The following PCSK2 variants were observed in gnomAD, a reference collection of about 807,000 sequenced individuals.
PCSK2 encodes neuroendocrine convertase 2.
PCSK2 carries 14 observed loss-of-function variants against 69.7 expected under a neutral mutation model. The ratio of observed to expected loss-of-function variants is 0.20; its 90% confidence interval spans 0.13 to 0.31. The LOEUF (loss-of-function observed/expected upper bound fraction) is 0.31, where lower values mean the gene tolerates loss of function less well. PCSK2 is among the 10% of genes least tolerant of loss of function. The probability of loss-of-function intolerance (pLI) is 1.00; values close to 1 mark genes in which losing one functional copy is unlikely to be tolerated. For synonymous variants in PCSK2, 307 were observed against 320.7 expected, an observed-to-expected ratio of 0.96 and a Z score of 0.46; for missense variants, 544 against 842.5, an observed-to-expected ratio of 0.65 and a Z score of 4.39.
chr20:17,389,289 T>A (rs1434204844), intron 5 of PCSK2, among the ~76,000 whole-genome samples: 4 of 152,152 alleles, frequency 2.6e-5, no homozygotes, highest in African/African-American at 7.2e-5. Flanking sequence ...TGGACCTGGA[T>A]GTGCTTGTAG....
At chr20:17,268,865 G>C (rs776644245) in intron 2 of PCSK2, among the ~76,000 whole-genome samples, 9 of 152,190 alleles carry the variant, frequency 5.9e-5, no homozygotes, top group Non-Finnish European at 1.2e-4. Flanking sequence ...AGTGGTGGAG[G>C]CAGTGAGAAA....
chr20:17,245,015 A>G (rs1240411521), intron 1 of PCSK2, among the ~76,000 whole-genome samples: 1 of 152,198 alleles, frequency 6.6e-6, no homozygotes, highest in African/African-American at 2.4e-5. Flanking sequence ...GATTCTTCCC[A>G]GGCAGAGCAG....
At chr20:17,432,686 T>C (rs1217794159) in intron 7 of PCSK2, among the ~76,000 whole-genome samples, 1 of 152,200 alleles carries the variant, frequency 6.6e-6, no homozygotes, top group African/African-American at 2.4e-5. Context: ...CCACAAACAA[T>C]GACCTTCCAA....
Position 17,453,749 on chromosome 20 carries a change from G to T in PCSK2, c.893G>T (p.Gly298Val). 1 of 1,613,214 alleles carries T rather than the reference G, an allele frequency of 6.2e-7. No individual in the cohort carries two copies. Residue 298 changes from glycine to valine, a missense_variant, in exon 9 of 12, where the codon GGC becomes GTC. Gly to Val is a moderately radical substitution (Grantham distance 109). This residue lies in a region of PCSK2 where 187 missense variants were observed against 399.8 expected (regional missense o/e 0.47). Transcript: ENST00000262545. The surrounding 1 kb of genome is among the most constrained non-coding windows in gnomAD (Gnocchi z 4.0). The stretch of plus-strand genomic sequence containing the variant: ...CTCCCCTGCTCTCCCCAGGGCCGCG[G>T]CGGCAAAGGCAGCATCTACGTGTGG... The part of the protein sequence containing the change: ...AMADGVNKGR[G>V]GKGSIYVWAS...
Position 17,478,516 on chromosome 20 carries a change from C to T in PCSK2, c.1431-3068C>T, listed in dbSNP as rs145630233. ...CCAAAAACTTTAAATTAAAAAAAAT[C>T]GATTTACTAATCCTCAGAAAAAGTA... On this transcript the variant is annotated intron_variant, in intron 11 of 11. Coordinates refer to ENST00000262545, the MANE Select transcript of PCSK2 (RefSeq NM_002594.5). 5.8e-3 allele frequency among the ~76,000 whole-genome samples: 884 copies of T among 152,160 alleles called. 16 individuals carry two copies. Among genetic ancestry groups the T allele is most frequent in the African/African-American group, 0.02 (844 of 41,504 alleles).
intron 8 of PCSK2, among the ~76,000 whole-genome samples, chr20:17,445,022 G>T (rs1162286042): frequency 1.3e-5 from 2 of 152,136 alleles, no homozygotes; most frequent in East Asian, 3.8e-4. Flanking sequence ...AAAGCCCAAG[G>T]GATATGGGCT....
chr20:17,482,342 G>GTCA lies in PCSK2; in HGVS notation c.*272_*273insTCA, dbSNP rs2033423039. Reference sequence around the variant, plus strand: ...CTGTCATTCAAATGGGTGATATCCTGAAAAAAAAAAAAAAAAAAAAACTGG... The same window carrying GTCA: ...CTGTCATTCAAATGGGTGATATCCTGTCAAAAAAAAAAAAAAAAAAAAAACTGG... On this transcript the variant is annotated 3_prime_UTR_variant, in exon 12 of 12. Transcript: ENST00000262545. 1 of 106,538 alleles carries GTCA rather than the reference G, an allele frequency of 9.4e-6. No homozygotes were observed. The highest frequency in any genetic ancestry group is 1.1e-4 in the Admixed American group (1 of 8,726). 6.6% of individuals were successfully genotyped at this position (106,538 alleles called of 1,614,324 possible). A position where few individuals can be genotyped will look rare whatever the true frequency, so the allele number is the denominator to read the frequency against.
At chr20:17,344,823 C>G (rs1040487749) in intron 2 of PCSK2, among the ~76,000 whole-genome samples, 9 of 152,146 alleles carry the variant, frequency 5.9e-5, no homozygotes, top group Admixed American at 5.2e-4. Context: ...CTTAGTCCTC[C>G]TTTCTGTGAT....
chr20:17,429,848 C>G (rs1158392882), intron 7 of PCSK2, among the ~76,000 whole-genome samples: 1 of 152,006 alleles, frequency 6.6e-6, no homozygotes, highest in African/African-American at 2.4e-5. Flanking sequence ...TACTCTGACA[C>G]CCAAGAATAA....
chr20:17,467,956 A>G lies in PCSK2; in HGVS notation c.1430+2403A>G, dbSNP rs1040352016. On this transcript the variant is annotated intron_variant, in intron 11 of 11. Transcript: ENST00000262545. The stretch of plus-strand genomic sequence containing the variant: ...TTTTTATGCAAATTCCAAATCAGAT[A>G]TCCTCTCAGCCTAAAATATCCTCCA... Among the ~76,000 whole-genome samples, 6 of 152,362 alleles carry G rather than the reference A, an allele frequency of 3.9e-5. No individual in the cohort carries two copies. In the South Asian group the frequency reaches 6.2e-4, roughly 16 times the overall value.
intron 11 of PCSK2, among the ~76,000 whole-genome samples, chr20:17,475,942 G>A (rs1018329145): frequency 1.3e-5 from 2 of 152,116 alleles, no homozygotes; most frequent in African/African-American, 2.4e-5. Flanking sequence ...TCAGAGCCAG[G>A]GTCTCTCTTC....
In PCSK2 at chr20:17,303,436, TAATATAATATATATTATATTA is replaced by T. The variant is rs1437983051; in HGVS notation, c.282+43112_282+43132del. 5.7e-4 allele frequency among the ~76,000 whole-genome samples: 38 copies of T among 66,168 alleles called. 1 individual carries two copies. Among genetic ancestry groups the T allele is most frequent in the East Asian group, 3.0e-3 (13 of 4,268 alleles). The allele number at this position is 66,168 out of a possible 152,430, so 43.4% of individuals were successfully genotyped here. A position where few individuals can be genotyped will look rare whatever the true frequency, so the allele number is the denominator to read the frequency against. ...TGTATGGTTATATATTTTTAATATA[TAATATAATATATATTATATTA>T]AATATAATATATATTATATATAATA... On this transcript the variant is annotated intron_variant, in intron 2 of 11. Coordinates refer to ENST00000262545, the MANE Select transcript of PCSK2 (RefSeq NM_002594.5).
chr20:17,249,174 AT>A, intron 1 of PCSK2, among the ~76,000 whole-genome samples: 1 of 152,266 alleles, frequency 6.6e-6, no homozygotes, highest in South Asian at 2.1e-4. Context: ...ATATTTTTAC[AT>A]TTTTAACTTG....
chr20:17,368,858 C>A (rs1331888666), intron 4 of PCSK2, among the ~76,000 whole-genome samples: 1 of 152,242 alleles, frequency 6.6e-6, no homozygotes, highest in Non-Finnish European at 1.5e-5. Context: ...TTCTCCTAAT[C>A]CATTGCTGTC....
intron 2 of PCSK2, among the ~76,000 whole-genome samples, chr20:17,316,783 T>G (rs553752796): frequency 6.6e-6 from 1 of 152,238 alleles, no homozygotes; most frequent in African/African-American, 2.4e-5. Flanking sequence ...AATATTGTGA[T>G]GTGGCAGACA....
chr20:17,421,655 T>C (rs981488282), intron 6 of PCSK2, among the ~76,000 whole-genome samples: 2 of 151,902 alleles, frequency 1.3e-5, no homozygotes, highest in Non-Finnish European at 2.9e-5. Context: ...CTTAGCCAAG[T>C]TGCACACTGG....
At chr20:17,417,980 GA>G (rs2032039584) in intron 6 of PCSK2, among the ~76,000 whole-genome samples, 2 of 152,162 alleles carry the variant, frequency 1.3e-5, no homozygotes, top group East Asian at 1.9e-4. Context: ...ACAAAACTAG[GA>G]CTTCAGTTTG....
At chr20:17,292,187 T>A (rs1485301126) in intron 2 of PCSK2, among the ~76,000 whole-genome samples, 1 of 152,170 alleles carries the variant, frequency 6.6e-6, no homozygotes. Flanking sequence ...CACTCCAAAA[T>A]CAAATACATA....
chr20:17,408,152 AC>A (rs2031793747), intron 5 of PCSK2, among the ~76,000 whole-genome samples: 1 of 152,010 alleles, frequency 6.6e-6, no homozygotes, highest in South Asian at 2.1e-4. Flanking sequence ...TGTGCCTCTA[AC>A]CCAGTGTTTC....
Sources: allele counts gnomAD v4.1 joint callset (sites outside exome capture counted in the v4.1 genomes callset), GRCh38; gene constraint gnomAD v4.1.1; regional missense constraint gnomAD v4.1.1; non-coding constraint Gnocchi (gnomAD v3.1); transcripts MANE v1.5; gene names NCBI Gene and HGNC (gene_info 2026-07-23, HGNC 2026-07-21).